The following PCLO variants were observed in gnomAD, a reference collection of about 807,000 sequenced individuals.
The protein encoded by PCLO is protein piccolo.
A neutral mutation model predicts 427.5 loss-of-function variants in PCLO; 82 were observed. That is an observed-to-expected ratio of 0.19 (90% CI 0.16 to 0.23). The LOEUF is 0.23. Among genes scored for constraint, PCLO ranks in the 10% least tolerant of loss-of-function variants. The pLI is 1.00. For missense variants in PCLO, 6,239 were observed against 6,115.9 expected, an observed-to-expected ratio of 1.02 and a Z score of -0.67; for synonymous variants, 2,357 against 2,155.4, an observed-to-expected ratio of 1.09 and a Z score of -2.59.
intron 10 of PCLO, among the ~76,000 whole-genome samples, chr7:82,849,079 G>T (rs921343329): frequency 6.6e-6 from 1 of 151,946 alleles, no homozygotes; most frequent in African/African-American, 2.4e-5. Context: ...TCAAATTAAA[G>T]TTATTATATT....
intron 2 of PCLO, among the ~76,000 whole-genome samples, chr7:83,147,637 C>G (rs1792028615): frequency 2.0e-5 from 3 of 151,910 alleles, no homozygotes; most frequent in Admixed American, 2.0e-4. Context: ...AGAAGAATAC[C>G]AAGGCTGAAG....
chr7:82,786,323 C>A (rs1790982233), intron 22 of PCLO, among the ~76,000 whole-genome samples: 1 of 134,530 alleles, frequency 7.4e-6, no homozygotes, highest in South Asian at 2.2e-4. Flanking sequence ...TTTCTTCTAT[C>A]CTCTAGCAAA....
At position 83,135,308 on chromosome 7, in the gene PCLO, G is replaced by A. The variant is rs959374172; in HGVS notation, c.2242C>T (p.Pro748Ser). The change falls in exon 3 of 25, where the codon CCT (proline) becomes TCT (serine). Residue 748 changes from proline to serine, a missense_variant. This residue lies in a region of PCLO where 4,677 missense variants were observed against 4,468.4 expected (regional missense o/e 1.05). Transcript: ENST00000333891. ...PSVPSEQDKA[P>S]VADDKPKQPK... Reference sequence around the variant, plus strand: ...TGCTTTGGTTTATCATCAGCAACAGGGGCCTTGTCCTGCTCAGATGGGACA... The same window carrying A: ...TGCTTTGGTTTATCATCAGCAACAGAGGCCTTGTCCTGCTCAGATGGGACA... 4.3e-6 allele frequency: 7 copies of A among 1,613,776 alleles called. No homozygotes were observed. The highest frequency in any genetic ancestry group is 4.0e-5 in the African/African-American group (3 of 74,894).
chr7:82,860,016 C>T (rs1348978544), intron 10 of PCLO, among the ~76,000 whole-genome samples: 1 of 151,616 alleles, frequency 6.6e-6, no homozygotes, highest in Non-Finnish European at 1.5e-5. Flanking sequence ...GCTATTTTAA[C>T]GTACACCAAG....
chr7:83,140,914 C>T (rs1277658955), intron 2 of PCLO, among the ~76,000 whole-genome samples: 1 of 152,158 alleles, frequency 6.6e-6, no homozygotes, highest in Non-Finnish European at 1.5e-5. Context: ...AACTATAATA[C>T]ACTTGGTCCC....
chr7:83,007,202 T>C (rs1562915043), intron 3 of PCLO, among the ~76,000 whole-genome samples: 2 of 151,316 alleles, frequency 1.3e-5, no homozygotes, highest in African/African-American at 2.4e-5. Context: ...AGAAAAACAG[T>C]CAAGGCATAT....
At chr7:82,901,938 G>A (rs1794051354) in intron 9 of PCLO, among the ~76,000 whole-genome samples, 1 of 151,474 alleles carries the variant, frequency 6.6e-6, no homozygotes, top group Non-Finnish European at 1.5e-5. Flanking sequence ...AGGTGCTGGA[G>A]AGGATGTGGA....
chr7:82,913,352 G>GA (rs201335554), intron 7 of PCLO, among the ~76,000 whole-genome samples: 1,538 of 151,982 alleles, frequency 0.01, 27 homozygotes, highest in African/African-American at 0.034. Flanking sequence ...AAAGATGTAG[G>GA]AAAAAAATCC....
rs1795423719 is a variant in PCLO at position 82,953,694 on chromosome 7, G to A, written c.7259C>T (p.Pro2420Leu). ...PPPPPPPPPP[P>L]PPPPPPLPPP... ...AGGAAGTGGTGGGGGAGGAGGGGGTGGTGGTGGAGGAGGAGGAGGAGGGGG... is the reference window on the plus strand; with the variant it reads ...AGGAAGTGGTGGGGGAGGAGGGGGTAGTGGTGGAGGAGGAGGAGGAGGGGG... Residue 2420 changes from proline (P) to leucine (L), a missense_variant, in exon 5 of 25, where the codon CCA becomes CTA. Around this residue, in one of 5 missense-constraint regions of PCLO, gnomAD observed 4,677 missense variants for 4,468.4 expected, o/e 1.05. Coordinates refer to ENST00000333891, the MANE Select transcript of PCLO (RefSeq NM_033026.6). 9.8e-7 allele frequency: 1 copy of A among 1,016,530 alleles called. No homozygotes were observed. Among genetic ancestry groups the A allele is most frequent in the Middle Eastern group, 3.1e-4 (1 of 3,234 alleles). 63.0% of individuals were successfully genotyped at this position (1,016,530 alleles called of 1,614,324 possible).
At chr7:82,888,511 T>C (rs926920116) in intron 9 of PCLO, among the ~76,000 whole-genome samples, 1 of 152,186 alleles carries the variant, frequency 6.6e-6, no homozygotes, top group African/African-American at 2.4e-5. Context: ...CAAGCAAAGG[T>C]GATCCAACCT....
chr7:82,797,388 G>A (rs1252872745), intron 22 of PCLO, among the ~76,000 whole-genome samples: 1 of 152,130 alleles, frequency 6.6e-6, no homozygotes, highest in African/African-American at 2.4e-5. Flanking sequence ...TTAACTAATG[G>A]AAGGGTCAGC....
chr7:83,050,082 A>T (rs995732181), intron 3 of PCLO, among the ~76,000 whole-genome samples: 1 of 151,130 alleles, frequency 6.6e-6, no homozygotes, highest in Admixed American at 6.6e-5. Context: ...AGGGGATTCC[A>T]ATCATTAATA....
intron 6 of PCLO, among the ~76,000 whole-genome samples, chr7:82,945,902 A>G (rs1341716282): frequency 6.6e-6 from 1 of 152,240 alleles, no homozygotes; most frequent in Non-Finnish European, 1.5e-5. Context: ...CACTGAATTA[A>G]GAATAAATAA....
At chr7:82,792,432 T>C (rs932645290) in intron 22 of PCLO, among the ~76,000 whole-genome samples, 1 of 151,780 alleles carries the variant, frequency 6.6e-6, no homozygotes, top group Non-Finnish European at 1.5e-5. Context: ...GCCCAAGCGA[T>C]ACTCCCTCCT....
chr7:83,023,373 A>G (rs1038100608), intron 3 of PCLO, among the ~76,000 whole-genome samples: 1 of 152,186 alleles, frequency 6.6e-6, no homozygotes. Context: ...TGAACACTCA[A>G]TAGAGGTGGT....
In PCLO at chr7:82,924,137, C is replaced by T. The variant is rs150279862; in HGVS notation, c.11113-7264G>A. Among the ~76,000 whole-genome samples, 59 of 152,090 alleles carry T rather than the reference C, an allele frequency of 3.9e-4. No homozygotes were observed. The East Asian group carries it at 9.7e-3, about 25-fold the overall frequency. ...TATTTGTTTATCATAGTGCCTTACT[C>T]TGAATGCGAAAAGGCTGACTTCCTA... On this transcript the variant is annotated intron_variant, in intron 6 of 24. Transcript: ENST00000333891.
rs1350643051 is a variant in PCLO, at chr7:82,886,417, T to C, written c.13529-6955A>G. Among the ~76,000 whole-genome samples the C allele has an allele frequency of 2.0e-5, 3 of 152,142 alleles. No homozygotes were observed. In the South Asian group the frequency reaches 6.2e-4, roughly 32 times the overall value. On this transcript the variant is annotated intron_variant, in intron 9 of 24. Coordinates refer to ENST00000333891, the MANE Select transcript of PCLO (RefSeq NM_033026.6). ...TTGGCTTAATATTTCTATATCTTGGTATGCATATCTATATAGAACAAAGTG... is the reference window on the plus strand; with the variant it reads ...TTGGCTTAATATTTCTATATCTTGGCATGCATATCTATATAGAACAAAGTG...
At chr7:82,870,861 T>C (rs994639116) in intron 10 of PCLO, among the ~76,000 whole-genome samples, 1 of 152,034 alleles carries the variant, frequency 6.6e-6, no homozygotes, top group Non-Finnish European at 1.5e-5. Context: ...TCACTAGTCA[T>C]CAGGGAAATC....
chr7:82,841,308 T>A (rs1460872176), intron 14 of PCLO, 151 bp downstream of exon 14: 8 of 640,094 alleles, frequency 1.2e-5, no homozygotes, highest in African/African-American at 3.7e-5. Context: ...TGTATTAATA[T>A]ACTATTCTAT....
Sources: gnomAD v4.1 joint callset for allele counts (sites outside exome capture counted in the v4.1 genomes callset) on GRCh38, gnomAD v4.1.1 for gene constraint, gnomAD v4.1.1 regional missense constraint, MANE v1.5 for transcripts, NCBI Gene and HGNC (gene_info 2026-07-23, HGNC 2026-07-21) for gene names.